The following EDIL3 variants were observed in gnomAD, a reference collection of about 807,000 sequenced individuals.
The protein encoded by EDIL3 is EGF-like repeat and discoidin I-like domain-containing protein 3.
A neutral mutation model predicts 67.4 loss-of-function variants in EDIL3; 37 were observed. The ratio of observed to expected loss-of-function variants is 0.55; its 90% CI spans 0.42 to 0.72. The LOEUF (loss-of-function observed/expected upper bound fraction) is 0.72. EDIL3 is among the 30% of genes least tolerant of loss of function. The pLI, the probability that EDIL3 is intolerant of heterozygous loss-of-function variation, is 0.00. For missense variants in EDIL3, 527 were observed against 586.3 expected, an observed-to-expected ratio of 0.90 and a Z score of 1.04; for synonymous variants, 195 against 196.3, an observed-to-expected ratio of 0.99 and a Z score of 0.05.
At chr5:84,207,158 G>A (rs1213395634) in intron 3 of EDIL3, among the ~76,000 whole-genome samples, 2 of 152,140 alleles carry the variant, frequency 1.3e-5, no homozygotes, top group African/African-American at 4.8e-5. Flanking sequence ...CACTGTCTCA[G>A]CCCAAAATCT....
intron 4 of EDIL3, among the ~76,000 whole-genome samples, chr5:84,170,442 G>A (rs1040417140): frequency 5.3e-5 from 8 of 152,158 alleles, no homozygotes; most frequent in Non-Finnish European, 1.2e-4. Flanking sequence ...AGCAGAGAAC[G>A]GAGTAGTCTT....
chr5:84,049,419 C>G (rs530012951), intron 9 of EDIL3, among the ~76,000 whole-genome samples: 1 of 152,256 alleles, frequency 6.6e-6, no homozygotes, highest in East Asian at 1.9e-4. Flanking sequence ...TTCCACTGTT[C>G]TGTTATTTGT....
intron 2 of EDIL3, among the ~76,000 whole-genome samples, chr5:84,238,239 C>A (rs1744716797): frequency 6.6e-6 from 1 of 151,968 alleles, no homozygotes; most frequent in African/African-American, 2.4e-5. Flanking sequence ...ATTTTAATAT[C>A]TGTGAGGTCT....
At chr5:84,338,547 T>G (rs1240960346) in intron 1 of EDIL3, among the ~76,000 whole-genome samples, 4 of 152,030 alleles carry the variant, frequency 2.6e-5, no homozygotes, top group African/African-American at 9.7e-5. Context: ...ACCAAAAGGG[T>G]GGAAATTGAA....
At chr5:84,155,520 G>A (rs1002979103) in intron 4 of EDIL3, among the ~76,000 whole-genome samples, 9 of 152,164 alleles carry the variant, frequency 5.9e-5, no homozygotes, top group East Asian at 5.8e-4. Context: ...CCAACGTAAC[G>A]TTATTCGTTA....
At chr5:84,327,041 T>G (rs929191923) in intron 1 of EDIL3, among the ~76,000 whole-genome samples, 2 of 151,990 alleles carry the variant, frequency 1.3e-5, no homozygotes, top group South Asian at 2.1e-4. Context: ...CTTTCATATA[T>G]GTATACATTG....
chr5:84,099,988 C>G (rs1421472191), intron 6 of EDIL3, among the ~76,000 whole-genome samples: 1 of 152,090 alleles, frequency 6.6e-6, no homozygotes, highest in Non-Finnish European at 1.5e-5. Flanking sequence ...AGCTCATCAT[C>G]ACTAGTCATT....
intron 1 of EDIL3, among the ~76,000 whole-genome samples, chr5:84,383,742 C>CT (rs1220527064): frequency 6.6e-6 from 1 of 152,166 alleles, no homozygotes; most frequent in Non-Finnish European, 1.5e-5. Flanking sequence ...CTGAAGTGAC[C>CT]TGTGAGACTC....
chr5:84,302,062 C>T (rs2607368), intron 1 of EDIL3, among the ~76,000 whole-genome samples: 62,552 of 151,854 alleles, frequency 0.41, 13,122 homozygotes, highest in South Asian at 0.49. Flanking sequence ...ATTGACTATA[C>T]ACGTATATAG....
intron 9 of EDIL3, among the ~76,000 whole-genome samples, chr5:84,052,783 A>G (rs1450375302): frequency 6.6e-6 from 1 of 152,220 alleles, no homozygotes; most frequent in Admixed American, 6.5e-5. Context: ...TATGCACCCA[A>G]TACAGGAGCA....
Position 84,364,009 on chromosome 5 carries a change from C to A in EDIL3, c.67+20299G>T, listed in dbSNP as rs1042289942. Among the ~76,000 whole-genome samples the A allele has an allele frequency of 5.9e-5, 9 of 152,146 alleles. No homozygotes were observed. The East Asian group carries it at 1.4e-3, about 23-fold the overall frequency. On this transcript the variant is annotated intron_variant, in intron 1 of 10. Transcript: ENST00000296591. ...CATTTTCAAAATAATTGTCATCAAGCGTTTTCATGACATCTTAATGGGTAC... is the reference window on the plus strand; with the variant it reads ...CATTTTCAAAATAATTGTCATCAAGAGTTTTCATGACATCTTAATGGGTAC...
rs185068965 is a variant in EDIL3 at position 84,013,208 on chromosome 5, C to T, written c.1137+47092G>A. Among the ~76,000 whole-genome samples the T allele has an allele frequency of 1.7e-3, 257 of 151,910 alleles. 1 individual carries two copies. The highest frequency in any genetic ancestry group is 6.0e-3 in the African/African-American group (247 of 41,486). ...ATGTGTGTATATATATATGATATAA[C>T]GTATCCTGTACATATATATGTATGT... On this transcript the variant is annotated intron_variant, in intron 9 of 10. Coordinates refer to ENST00000296591, the MANE Select transcript of EDIL3 (RefSeq NM_005711.5).
In EDIL3 at chr5:84,119,632, C is replaced by T. The variant is rs541903111; in HGVS notation, c.470-12802G>A. Among the ~76,000 whole-genome samples the T allele has an allele frequency of 3.4e-4, 51 of 152,078 alleles. No individual in the cohort carries two copies. In the Middle Eastern group the frequency reaches 0.01, roughly 30 times the overall value. The stretch of plus-strand genomic sequence containing the variant: ...TGTGGTACAAAATGAGGATGTCCTA[C>T]GGAAAAGTTTCATATTAACACTTTG... On this transcript the variant is annotated intron_variant, in intron 5 of 10. Transcript: ENST00000296591.
chr5:84,246,736 T>C (rs1436469440), intron 2 of EDIL3, among the ~76,000 whole-genome samples: 1 of 152,186 alleles, frequency 6.6e-6, no homozygotes, highest in Admixed American at 6.6e-5. Flanking sequence ...TTTGATGTTA[T>C]ACATTTTTTT....
At position 84,076,997 on chromosome 5, in the gene EDIL3, T is replaced by C. The variant is rs1166202208; in HGVS notation, c.652-10391A>G. The stretch of plus-strand genomic sequence containing the variant: ...CCCCTTTTCATCACACAGAATACTA[T>C]AGACTTAAAAAGGATTGACATTTAA... On this transcript the variant is annotated intron_variant, in intron 6 of 10. Transcript: ENST00000296591. 2.6e-5 allele frequency among the ~76,000 whole-genome samples: 4 copies of C among 152,048 alleles called. No individual in the cohort carries two copies. In the East Asian group the frequency reaches 5.8e-4, roughly 22 times the overall value.
chr5:84,086,178 G>A (rs542331480), intron 6 of EDIL3, among the ~76,000 whole-genome samples: 1 of 152,254 alleles, frequency 6.6e-6, no homozygotes, highest in South Asian at 2.1e-4. Context: ...CGGTTCTTCT[G>A]TCTCACTGGG....
intron 9 of EDIL3, among the ~76,000 whole-genome samples, chr5:83,991,780 A>T (rs1220777311): frequency 6.6e-6 from 1 of 152,096 alleles, no homozygotes; most frequent in East Asian, 1.9e-4. Context: ...TCACAGGCCG[A>T]CCGCGGAATT....
chr5:84,202,580 G>A (rs554030683), intron 3 of EDIL3, among the ~76,000 whole-genome samples: 13 of 152,066 alleles, frequency 8.5e-5, no homozygotes, highest in Non-Finnish European at 1.9e-4. Flanking sequence ...AGAAAAGAGT[G>A]GAAATAAAGG....
At chr5:84,377,923 T>C (rs1748000436) in intron 1 of EDIL3, among the ~76,000 whole-genome samples, 1 of 152,222 alleles carries the variant, frequency 6.6e-6, no homozygotes, top group Admixed American at 6.5e-5. Context: ...TCACACACTA[T>C]AAATCTGAAC....
Sources: gnomAD v4.1 joint callset for allele counts (sites outside exome capture counted in the v4.1 genomes callset) on GRCh38, gnomAD v4.1.1 for gene constraint, MANE v1.5 for transcripts, NCBI Gene and HGNC (gene_info 2026-07-23, HGNC 2026-07-21) for gene names.